MCPH1: variants seen among roughly 807,000 people sequenced by gnomAD.
The protein encoded by MCPH1 is microcephalin 1, also known as microcephalin.
A neutral mutation model predicts 84.5 loss-of-function variants in MCPH1; 104 were observed. The observed-to-expected ratio is 1.23, with a 90% confidence interval of 1.05 to 1.45. The LOEUF (loss-of-function observed/expected upper bound fraction) is 1.45. MCPH1 is among the 40% of genes most tolerant of loss of function. The pLI is 0.00. For synonymous variants in MCPH1, 514 were observed against 366.8 expected (o/e 1.40, Z -4.58); for missense variants, 1,498 against 1,005.7 (o/e 1.49, Z -6.62).
intron 12 of MCPH1, among the ~76,000 whole-genome samples, chr8:6,548,161 G>C (rs888955636): frequency 2.6e-5 from 4 of 152,058 alleles, no homozygotes; most frequent in African/African-American, 9.7e-5. Flanking sequence ...CTGGAATCTT[G>C]GCCTTCTCCT....
chr8:6,451,474 A>G (rs1453635272), intron 8 of MCPH1, among the ~76,000 whole-genome samples: 1 of 152,242 alleles, frequency 6.6e-6, no homozygotes, highest in African/African-American at 2.4e-5. Flanking sequence ...AGTCAGAGCA[A>G]TTACTTTCAG....
At chr8:6,624,244 C>T (rs913441396) in intron 13 of MCPH1, among the ~76,000 whole-genome samples, 2 of 152,276 alleles carry the variant, frequency 1.3e-5, no homozygotes, top group African/African-American at 2.4e-5. Context: ...GCCCCAGCCT[C>T]TTTTTCTTTC....
chr8:6,611,000 C>T (rs142223390), intron 12 of MCPH1, among the ~76,000 whole-genome samples: 1 of 152,120 alleles, frequency 6.6e-6, no homozygotes, highest in Non-Finnish European at 1.5e-5. Context: ...CTCCCAGACC[C>T]CTCTCCAGCT....
chr8:6,422,133 C>T (rs919573234), intron 3 of MCPH1, among the ~76,000 whole-genome samples: 1 of 152,172 alleles, frequency 6.6e-6, no homozygotes, highest in African/African-American at 2.4e-5. Context: ...TGTATCTAAT[C>T]ATGCATTTTG....
intron 12 of MCPH1, among the ~76,000 whole-genome samples, chr8:6,520,282 C>T (rs538963750): frequency 6.6e-6 from 1 of 152,306 alleles, no homozygotes; most frequent in South Asian, 2.1e-4. Flanking sequence ...AAGTACTTCA[C>T]AATCACATAA....
Position 6,648,158 on chromosome 8 carries a change from G to A in MCPH1, c.*5109G>A, listed in dbSNP as rs1333610882. ...TGGGCACAGAAAGGCACAGGGCATG[G>A]CTGATTCAGCCCAACATGAGGCTCC... On this transcript the variant is annotated 3_prime_UTR_variant, in exon 14 of 14. Transcript: ENST00000344683. The A allele has an allele frequency of 1.3e-5, 2 of 152,216 alleles. No individual in the cohort carries two copies. Among genetic ancestry groups the A allele is most frequent in the African/African-American group, 4.8e-5 (2 of 41,450 alleles). 9.4% of individuals were successfully genotyped at this position (152,216 alleles called of 1,614,324 possible).
intron 12 of MCPH1, among the ~76,000 whole-genome samples, chr8:6,527,840 C>T (rs1009654922): frequency 2.6e-5 from 4 of 151,236 alleles, no homozygotes; most frequent in South Asian, 2.1e-4. Flanking sequence ...AGAAAAGGCT[C>T]AATGTCTTAG....
At chr8:6,589,979 A>C (rs1586728543) in intron 12 of MCPH1, among the ~76,000 whole-genome samples, 2 of 152,236 alleles carry the variant, frequency 1.3e-5, no homozygotes, top group African/African-American at 4.8e-5. Flanking sequence ...ATGCATTAAA[A>C]AGACATGGCA....
chr8:6,624,311 C>T (rs1253436868), intron 13 of MCPH1, among the ~76,000 whole-genome samples: 3 of 152,246 alleles, frequency 2.0e-5, no homozygotes, highest in African/African-American at 7.2e-5. Context: ...TCTGCCTGTG[C>T]CCTTGGTAAC....
At chr8:6,544,870 C>T (rs1822270845) in intron 12 of MCPH1, among the ~76,000 whole-genome samples, 1 of 152,154 alleles carries the variant, frequency 6.6e-6, no homozygotes, top group South Asian at 2.1e-4. Context: ...TATGTCATTT[C>T]AGATTGAACC....
chr8:6,582,627 G>T (rs926083051), intron 12 of MCPH1, among the ~76,000 whole-genome samples: 1 of 152,078 alleles, frequency 6.6e-6, no homozygotes, highest in Non-Finnish European at 1.5e-5. Context: ...CCATGAGAGC[G>T]CTGGTGCCCA....
At chr8:6,566,943 C>CAT (rs1826222051) in intron 12 of MCPH1, among the ~76,000 whole-genome samples, 2 of 144,262 alleles carry the variant, frequency 1.4e-5, no homozygotes, top group South Asian at 2.2e-4. Flanking sequence ...GTGCGGTGAC[C>CAT]GTGTGTGATC....
chr8:6,607,211 A>C (rs959800986), intron 12 of MCPH1, among the ~76,000 whole-genome samples: 1 of 152,164 alleles, frequency 6.6e-6, no homozygotes, highest in Non-Finnish European at 1.5e-5. Context: ...TACTTGGAGG[A>C]AAGGAACATC....
chr8:6,604,166 G>C (rs1586767703), intron 12 of MCPH1, among the ~76,000 whole-genome samples: 1 of 147,432 alleles, frequency 6.8e-6, no homozygotes. Context: ...TGCTGTCATA[G>C]GCCGCAGCCA....
intron 13 of MCPH1, among the ~76,000 whole-genome samples, chr8:6,634,405 C>T (rs1421228343): frequency 6.6e-6 from 1 of 152,160 alleles, no homozygotes; most frequent in African/African-American, 2.4e-5. Context: ...TGAGACATGA[C>T]CATTTGGGTG....
rs1284555340 is a variant in MCPH1, at chr8:6,444,705, A to G, written c.983A>G (p.Glu328Gly). 6.2e-7 allele frequency: 1 copy of G among 1,613,970 alleles called. No individual in the cohort carries two copies. The highest frequency in any genetic ancestry group is 1.3e-5 in the African/African-American group (1 of 74,928). The change falls in exon 8 of 14, where the codon GAG (glutamate) becomes GGG (glycine). Residue 328 changes from glutamate (E) to glycine (G), a missense_variant. Glu to Gly is a moderately conservative substitution (Grantham distance 98). Transcript: ENST00000344683. ...AAGMSQETFE[E>G]KYRLSPTLSS... ...GGTATGTCTCAGGAGACGTTTGAAG[A>G]GAAGTATCGTTTGTCTCCTACCTTA... is the stretch of plus-strand genomic sequence containing the variant.
chr8:6,483,620 C>T (rs560378832), intron 11 of MCPH1, among the ~76,000 whole-genome samples: 43 of 152,268 alleles, frequency 2.8e-4, no homozygotes, highest in African/African-American at 7.9e-4. Context: ...AAGGAACCTT[C>T]CCAACACTTT....
intron 9 of MCPH1, among the ~76,000 whole-genome samples, chr8:6,475,323 A>T (rs1014891990): frequency 2.0e-5 from 3 of 152,216 alleles, no homozygotes; most frequent in Admixed American, 2.0e-4. Flanking sequence ...GGACAGCCTG[A>T]TGCTTTGTTC....
intron 11 of MCPH1, among the ~76,000 whole-genome samples, chr8:6,488,885 G>A (rs541331310): frequency 2.6e-5 from 4 of 152,052 alleles, no homozygotes; most frequent in Admixed American, 6.6e-5. Context: ...TGTGTCTAGA[G>A]GGGGGGTTGA....
Sources: gnomAD v4.1 joint callset for allele counts (sites outside exome capture counted in the v4.1 genomes callset) on GRCh38, gnomAD v4.1.1 for gene constraint, MANE v1.5 for transcripts, NCBI Gene and HGNC (gene_info 2026-07-23, HGNC 2026-07-21) for gene names.